Variants in NDST4 observed in about 807,000 individuals in gnomAD.
NDST4 encodes the protein N-heparan sulfate sulfotransferase 4.
NDST4 carries 63 observed loss-of-function variants against 100.8 expected under a neutral mutation model. The observed-to-expected ratio is 0.62, with a 90% CI of 0.51 to 0.77. The LOEUF is 0.77. NDST4 is among the 30% of genes least tolerant of loss of function. The pLI, the probability that NDST4 is intolerant of heterozygous loss-of-function variation, is 0.00. For synonymous variants in NDST4, 377 were observed against 361.8 expected (o/e 1.04, Z -0.48); for missense variants, 943 against 1,018.4 (o/e 0.93, Z 1.01).
intron 2 of NDST4, among the ~76,000 whole-genome samples, chr4:115,040,684 G>T (rs759179153): frequency 7.2e-5 from 11 of 151,962 alleles, no homozygotes; most frequent in Non-Finnish European, 1.6e-4. Flanking sequence ...AGGAGTTAGG[G>T]CTCTTTGGCA....
chr4:115,037,190 T>C (rs1429708317), intron 2 of NDST4, among the ~76,000 whole-genome samples: 1 of 151,930 alleles, frequency 6.6e-6, no homozygotes, highest in Non-Finnish European at 1.5e-5. Context: ...GAAAAAAAGA[T>C]GGAGAAGAGA....
At position 115,068,604 on chromosome 4, in the gene NDST4, C is replaced by T. The variant is rs902621102; in HGVS notation, c.978+7455G>A. On this transcript the variant is annotated intron_variant, in intron 2 of 13. Transcript: ENST00000264363. ...AGGGCAGATCATGAGATCAGGAGATCGAGACCATCCTGGCTAACACGGTGA... is the reference window on the plus strand; with the variant it reads ...AGGGCAGATCATGAGATCAGGAGATTGAGACCATCCTGGCTAACACGGTGA... Among the ~76,000 whole-genome samples the T allele has an allele frequency of 4.0e-5, 6 of 148,356 alleles. No individual in the cohort carries two copies. The South Asian group carries it at 1.1e-3, about 26-fold the overall frequency.
chr4:114,973,972 G>A (rs778058531), intron 3 of NDST4, among the ~76,000 whole-genome samples: 5 of 151,570 alleles, frequency 3.3e-5, no homozygotes, highest in African/African-American at 9.7e-5. Context: ...GCTACCTATG[G>A]TTCCAAAATT....
At chr4:115,104,756 G>A (rs1199760793) in intron 1 of NDST4, among the ~76,000 whole-genome samples, 2 of 152,018 alleles carry the variant, frequency 1.3e-5, no homozygotes, top group Non-Finnish European at 2.9e-5. Flanking sequence ...CAATACAGTA[G>A]AGACAGTAGA....
chr4:115,025,814 C>T (rs1017849398), intron 2 of NDST4, among the ~76,000 whole-genome samples: 2 of 152,044 alleles, frequency 1.3e-5, no homozygotes, highest in Admixed American at 6.6e-5. Context: ...ATATATTTTT[C>T]CAAGGTACAT....
chr4:114,997,918 G>C (rs755896911), intron 2 of NDST4, among the ~76,000 whole-genome samples: 1 of 151,892 alleles, frequency 6.6e-6, no homozygotes, highest in African/African-American at 2.4e-5. Context: ...TTTTTGAAGA[G>C]GATTAAAGGA....
chr4:115,050,553 A>G (rs1728561991), intron 2 of NDST4, among the ~76,000 whole-genome samples: 1 of 152,164 alleles, frequency 6.6e-6, no homozygotes, highest in Non-Finnish European at 1.5e-5. Flanking sequence ...GCTATGCTCC[A>G]CAAGTGTGAT....
At chr4:114,879,640 A>T (rs1355464277) in intron 6 of NDST4, among the ~76,000 whole-genome samples, 1 of 152,148 alleles carries the variant, frequency 6.6e-6, no homozygotes, top group Non-Finnish European at 1.5e-5. Context: ...ATCTTCAATG[A>T]GTAGTAAAAT....
At chr4:115,005,488 G>A (rs778662362) in intron 2 of NDST4, among the ~76,000 whole-genome samples, 9 of 152,142 alleles carry the variant, frequency 5.9e-5, no homozygotes, top group Non-Finnish European at 1.2e-4. Flanking sequence ...CATGTCTGAG[G>A]TAGTAGAGGA....
intron 8 of NDST4, among the ~76,000 whole-genome samples, chr4:114,851,067 A>G (rs374671768): frequency 6.6e-6 from 1 of 152,276 alleles, no homozygotes; most frequent in Non-Finnish European, 1.5e-5. Context: ...ACAAAAACTG[A>G]GCAAATAGGA....
chr4:115,106,245 A>G, intron 1 of NDST4, among the ~76,000 whole-genome samples: 1 of 152,124 alleles, frequency 6.6e-6, no homozygotes, highest in Admixed American at 6.6e-5. Flanking sequence ...TGTATTAAAT[A>G]GGATCACAGA....
chr4:114,863,407 G>A (rs1347682132), intron 7 of NDST4, among the ~76,000 whole-genome samples: 3 of 152,246 alleles, frequency 2.0e-5, no homozygotes, highest in Non-Finnish European at 4.4e-5. Context: ...ATGCGCACAT[G>A]TGCATGTGAA....
intron 1 of NDST4, among the ~76,000 whole-genome samples, chr4:115,087,025 C>T (rs747217937): frequency 6.6e-6 from 1 of 151,932 alleles, no homozygotes; most frequent in Non-Finnish European, 1.5e-5. Context: ...GAATTTTACC[C>T]TTATACTACT....
At chr4:115,070,171 T>G (rs1729044455) in intron 2 of NDST4, among the ~76,000 whole-genome samples, 1 of 152,196 alleles carries the variant, frequency 6.6e-6, no homozygotes, top group Non-Finnish European at 1.5e-5. Context: ...GCAATTGATC[T>G]AAATGTCTAT....
chr4:114,994,591 C>T (rs573497798), intron 2 of NDST4, among the ~76,000 whole-genome samples: 1 of 152,060 alleles, frequency 6.6e-6, no homozygotes, highest in South Asian at 2.1e-4. Context: ...TCCAGTGTTG[C>T]TGTAATTACT....
At chr4:115,013,513 A>C (rs1000379863) in intron 2 of NDST4, among the ~76,000 whole-genome samples, 1 of 151,768 alleles carries the variant, frequency 6.6e-6, no homozygotes. Context: ...AAAGGAAATA[A>C]TCAGATGTTT....
At chr4:114,841,990 A>G (rs1723436163) in intron 10 of NDST4, among the ~76,000 whole-genome samples, 1 of 152,266 alleles carries the variant, frequency 6.6e-6, no homozygotes, top group Admixed American at 6.5e-5. Context: ...ATTACTTGTT[A>G]TCCTACTCCA....
intron 2 of NDST4, among the ~76,000 whole-genome samples, chr4:115,033,715 C>T (rs1728172148): frequency 6.6e-6 from 1 of 152,018 alleles, no homozygotes; most frequent in Admixed American, 6.6e-5. Flanking sequence ...CAATATAAAC[C>T]ATTAGTGGCA....
chr4:114,929,459 C>A (rs1294422160), intron 6 of NDST4, among the ~76,000 whole-genome samples: 1 of 151,974 alleles, frequency 6.6e-6, no homozygotes, highest in Non-Finnish European at 1.5e-5. Flanking sequence ...TACTATCGAC[C>A]CTCTTGACCA....
Sources: allele counts gnomAD v4.1 joint callset (sites outside exome capture counted in the v4.1 genomes callset), GRCh38; gene constraint gnomAD v4.1.1; transcripts MANE v1.5; gene names NCBI Gene and HGNC (gene_info 2026-07-23, HGNC 2026-07-21).